The following HMCN1 variants were observed in gnomAD, a reference collection of about 807,000 sequenced individuals.
HMCN1 encodes hemicentin-1.
In HMCN1, 321 loss-of-function variants were observed where a neutral mutation model predicts 625.9. That is an observed-to-expected ratio of 0.51 (90% CI 0.47 to 0.56). The LOEUF is 0.56. HMCN1 is among the 20% of genes least tolerant of loss of function. HMCN1 has a pLI of 0.00. For synonymous variants in HMCN1, 2,425 were observed against 2,417.6 expected (o/e 1.00, Z -0.09); for missense variants, 6,588 against 6,887.3 (o/e 0.96, Z 1.54).
intron 71 of HMCN1, among the ~76,000 whole-genome samples, chr1:186,109,496 C>T (rs544947602): frequency 1.3e-5 from 2 of 152,316 alleles, no homozygotes; most frequent in East Asian, 1.9e-4. Context: ...AGAGCTCACT[C>T]ACTATCTGAG....
chr1:186,045,217 G>A (rs915861548), intron 40 of HMCN1, among the ~76,000 whole-genome samples: 9 of 152,250 alleles, frequency 5.9e-5, no homozygotes, highest in Admixed American at 1.3e-4. Context: ...TGTTTTGCAC[G>A]CTGCGAGATG....
chr1:185,735,457 T>C (rs1348248651), intron 1 of HMCN1, among the ~76,000 whole-genome samples: 1 of 151,894 alleles, frequency 6.6e-6, no homozygotes, highest in Non-Finnish European at 1.5e-5. Context: ...AAGCACACTC[T>C]GAGGGTAACT....
At chr1:185,759,172 T>C (rs1655325233) in intron 1 of HMCN1, among the ~76,000 whole-genome samples, 1 of 152,226 alleles carries the variant, frequency 6.6e-6, no homozygotes, top group African/African-American at 2.4e-5. Flanking sequence ...CTTGAGAATG[T>C]TGTCCTTCTC....
At chr1:186,182,094 G>C (rs541061200) in intron 104 of HMCN1, 74 bp from the exon 105 acceptor site, 666 of 1,554,810 alleles carry the variant, frequency 4.3e-4, no homozygotes, top group Middle Eastern at 6.9e-4. Flanking sequence ...TCAACAACTT[G>C]ATGAGAGTTG....
At chr1:185,865,884 C>A (rs1663160076) in intron 4 of HMCN1, 21 bp downstream of exon 4, 1 of 1,610,828 alleles carries the variant, frequency 6.2e-7, no homozygotes, top group African/African-American at 1.3e-5. Flanking sequence ...TAAAGGGAGT[C>A]TACTTTATTA....
intron 55 of HMCN1, among the ~76,000 whole-genome samples, chr1:186,078,662 G>GT (rs1424505340): frequency 6.6e-6 from 1 of 152,156 alleles, no homozygotes; most frequent in Non-Finnish European, 1.5e-5. Context: ...TCAAATGAAA[G>GT]TTTTTTCTCC....
At chr1:186,021,228 G>A (rs1368847992) in intron 35 of HMCN1, among the ~76,000 whole-genome samples, 1 of 152,068 alleles carries the variant, frequency 6.6e-6, no homozygotes, top group Non-Finnish European at 1.5e-5. Flanking sequence ...ATGTGGCAAG[G>A]AAGACTCCTA....
chr1:185,894,169 C>CA (rs1376020595), intron 4 of HMCN1, among the ~76,000 whole-genome samples: 3 of 148,650 alleles, frequency 2.0e-5, no homozygotes, highest in Non-Finnish European at 1.5e-5. Context: ...AAAAACAAAA[C>CA]AAAAAAACAG....
intron 11 of HMCN1, among the ~76,000 whole-genome samples, chr1:185,944,728 A>G (rs184542371): frequency 2.0e-4 from 30 of 152,356 alleles, no homozygotes; most frequent in African/African-American, 7.2e-4. Context: ...GACAAAATAT[A>G]AGATGACTAG....
Position 185,910,262 on chromosome 1 carries a change from A to G in HMCN1, c.793+754A>G, listed in dbSNP as rs544631422. Among the ~76,000 whole-genome samples the G allele has an allele frequency of 2.0e-4, 30 of 152,296 alleles. No individual in the cohort carries two copies. The Middle Eastern group carries it at 0.014, about 69-fold the overall frequency. On this transcript the variant is annotated intron_variant, in intron 5 of 106. Transcript: ENST00000271588. ...TTCTTACTTAAATAACTAATTTCCA[A>G]AAGAAAACAACCTATGAAATTGTTC...
At chr1:185,815,279 C>T (rs1267211090) in intron 1 of HMCN1, among the ~76,000 whole-genome samples, 1 of 150,072 alleles carries the variant, frequency 6.7e-6, no homozygotes, top group Non-Finnish European at 1.5e-5. Context: ...TAATGTTTGA[C>T]TAGATTTAAG....
intron 36 of HMCN1, among the ~76,000 whole-genome samples, chr1:186,029,073 A>T (rs1331485123): frequency 6.6e-6 from 1 of 152,134 alleles, no homozygotes; most frequent in Non-Finnish European, 1.5e-5. Flanking sequence ...CCTTGAGGAC[A>T]TCTGAAAAAA....
intron 4 of HMCN1, among the ~76,000 whole-genome samples, chr1:185,869,422 G>A (rs1411610769): frequency 6.6e-6 from 1 of 152,146 alleles, no homozygotes; most frequent in Non-Finnish European, 1.5e-5. Context: ...ATATTAACTA[G>A]TGTTATTATA....
At chr1:185,973,348 G>C (rs985524823) in intron 15 of HMCN1, among the ~76,000 whole-genome samples, 4 of 152,030 alleles carry the variant, frequency 2.6e-5, no homozygotes, top group African/African-American at 9.7e-5. Flanking sequence ...TTAAGATTAA[G>C]CATTGGGATT....
Position 186,087,493 on chromosome 1 carries a change from G to A in HMCN1, c.9211G>A (p.Val3071Ile), listed in dbSNP as rs1659571162. The change falls in exon 60 of 107, where the codon GTA becomes ATA. Residue 3071 changes from valine (V) to isoleucine (I), a missense_variant. By Grantham distance (29) the Val-to-Ile change is conservative. Coordinates refer to ENST00000271588, the MANE Select transcript of HMCN1 (RefSeq NM_031935.3). Reference sequence around the variant, plus strand: ...CAGTGAATCTCTTTCTGTAGTTAATGTAAGAGAGGGAACTTCTGTGTCTTT... The same window carrying A: ...CAGTGAATCTCTTTCTGTAGTTAATATAAGAGAGGGAACTTCTGTGTCTTT... Reference protein sequence around the residue: ...HDSESLSVVNVREGTSVSLEC... With the variant: ...HDSESLSVVNIREGTSVSLEC... The A allele has an allele frequency of 1.2e-6, 2 of 1,613,194 alleles. No homozygotes were observed. The highest frequency in any genetic ancestry group is 1.7e-6 in the Non-Finnish European group (2 of 1,179,512).
intron 39 of HMCN1, 113 bp from the exon 40 acceptor site, chr1:186,040,900 C>A (rs1656157770): frequency 8.8e-7 from 1 of 1,139,694 alleles, no homozygotes; most frequent in Non-Finnish European, 1.3e-6. Flanking sequence ...AAGGGAAAAT[C>A]TTCCTAAAAG....
chr1:185,935,623 T>A (rs1274902689), intron 11 of HMCN1, among the ~76,000 whole-genome samples: 2 of 152,180 alleles, frequency 1.3e-5, no homozygotes. Context: ...ACATTATTAC[T>A]GGGTAATCTG....
intron 95 of HMCN1, 80 bp from the exon 96 acceptor site, chr1:186,152,670 T>C (rs544506864): frequency 6.4e-7 from 1 of 1,556,748 alleles, no homozygotes; most frequent in East Asian, 2.3e-5. Flanking sequence ...ATAGCTGAAC[T>C]GGTATGTAAG....
At chr1:186,004,863 A>G (rs1653446331) in intron 29 of HMCN1, among the ~76,000 whole-genome samples, 3 of 152,154 alleles carry the variant, frequency 2.0e-5, no homozygotes, top group South Asian at 2.1e-4. Flanking sequence ...CTAAAACCCA[A>G]CATTGGGAGA....
Sources: allele counts gnomAD v4.1 joint callset (sites outside exome capture counted in the v4.1 genomes callset), GRCh38; gene constraint gnomAD v4.1.1; transcripts MANE v1.5; gene names NCBI Gene and HGNC (gene_info 2026-07-23, HGNC 2026-07-21).